ARHGAP26: variants seen among roughly 807,000 people sequenced by gnomAD.
ARHGAP26 encodes the protein rho GTPase-activating protein 26.
A neutral mutation model predicts 104.8 loss-of-function variants in ARHGAP26; 38 were observed. The ratio of observed to expected loss-of-function variants is 0.36; its 90% confidence interval spans 0.28 to 0.48. ARHGAP26 has a LOEUF of 0.48. Ranked by LOEUF, ARHGAP26 falls within the 20% of genes least tolerant of loss-of-function variation. ARHGAP26 has a pLI of 0.99. For missense variants in ARHGAP26, 704 were observed against 947.9 expected (o/e 0.74, Z 3.38); for synonymous variants, 341 against 340.0 (o/e 1.00, Z -0.03).
chr5:142,978,412 C>T (rs1331301532), intron 11 of ARHGAP26, among the ~76,000 whole-genome samples: 1 of 152,150 alleles, frequency 6.6e-6, no homozygotes, highest in South Asian at 2.1e-4. Context: ...AAATACATAG[C>T]CAGGGTTGGC....
chr5:143,171,692 C>T (rs1021841499), intron 20 of ARHGAP26, among the ~76,000 whole-genome samples: 7 of 152,186 alleles, frequency 4.6e-5, no homozygotes, highest in Admixed American at 3.9e-4. Flanking sequence ...GAGATTTCCT[C>T]CTACATTTGC....
Position 143,095,136 on chromosome 5 carries a change from T to G in ARHGAP26, c.1539-25852T>G, listed in dbSNP as rs575047800. Among the ~76,000 whole-genome samples, 17 of 150,574 alleles carry G rather than the reference T, an allele frequency of 1.1e-4. No homozygotes were observed. The South Asian group carries it at 2.5e-3, about 22-fold the overall frequency. On this transcript the variant is annotated intron_variant, in intron 17 of 22. Coordinates refer to ENST00000645722, the MANE Select transcript of ARHGAP26 (RefSeq NM_001135608.3). ...CATATATACATTCATTTTAGATATATTCATATATTCATTATATATTACTAT... is the reference window on the plus strand; with the variant it reads ...CATATATACATTCATTTTAGATATAGTCATATATTCATTATATATTACTAT...
At chr5:143,214,424 T>C in intron 22 of ARHGAP26, among the ~76,000 whole-genome samples, 1 of 152,224 alleles carries the variant, frequency 6.6e-6, no homozygotes, top group East Asian at 1.9e-4. Context: ...TTTAAAATGG[T>C]ACTCAACATG....
At chr5:143,011,694 A>G (rs1338105471) in intron 11 of ARHGAP26, among the ~76,000 whole-genome samples, 2 of 152,096 alleles carry the variant, frequency 1.3e-5, no homozygotes, top group Non-Finnish European at 1.5e-5. Flanking sequence ...GTGTGGCTCA[A>G]TTTGGAAACC....
At chr5:142,964,463 C>G (rs1409059966) in intron 11 of ARHGAP26, among the ~76,000 whole-genome samples, 1 of 151,922 alleles carries the variant, frequency 6.6e-6, no homozygotes, top group East Asian at 1.9e-4. Flanking sequence ...TAAATGGCAA[C>G]AAAACTATAT....
chr5:143,071,858 T>C (rs1210564715), intron 17 of ARHGAP26, among the ~76,000 whole-genome samples: 5 of 152,066 alleles, frequency 3.3e-5, no homozygotes, highest in Non-Finnish European at 7.4e-5. Flanking sequence ...TGAGCTGAGA[T>C]TGCTCCACTG....
At chr5:142,877,332 ATT>A (rs1345801732) in intron 3 of ARHGAP26, among the ~76,000 whole-genome samples, 1 of 152,104 alleles carries the variant, frequency 6.6e-6, no homozygotes, top group African/African-American at 2.4e-5. Context: ...TACCCTTGGT[ATT>A]TTCTTAACAT....
intron 18 of ARHGAP26, among the ~76,000 whole-genome samples, chr5:143,131,654 A>G (rs1797365697): frequency 6.6e-6 from 1 of 152,208 alleles, no homozygotes. Flanking sequence ...TGGCTGCTGC[A>G]GCCCTGGGAC....
chr5:142,802,490 A>C (rs1410540631), intron 1 of ARHGAP26, among the ~76,000 whole-genome samples: 1 of 152,188 alleles, frequency 6.6e-6, no homozygotes, highest in Non-Finnish European at 1.5e-5. Context: ...ATTTTGTTCA[A>C]CGTAGTTTTT....
At chr5:143,099,328 G>A (rs1056986114) in intron 17 of ARHGAP26, among the ~76,000 whole-genome samples, 2 of 152,180 alleles carry the variant, frequency 1.3e-5, no homozygotes, top group African/African-American at 4.8e-5. Context: ...CACAGGTAGA[G>A]GAATATAGAA....
At chr5:142,987,530 A>G (rs1000279634) in intron 11 of ARHGAP26, among the ~76,000 whole-genome samples, 1 of 142,802 alleles carries the variant, frequency 7.0e-6, no homozygotes, top group African/African-American at 2.6e-5. Flanking sequence ...TTCCAACACT[A>G]TGTTGAATAG....
chr5:142,798,664 A>G (rs1761463879), intron 1 of ARHGAP26, among the ~76,000 whole-genome samples: 1 of 152,226 alleles, frequency 6.6e-6, no homozygotes, highest in South Asian at 2.1e-4. Flanking sequence ...GAGAAGAGGA[A>G]GAGCAAAGAG....
At chr5:142,778,764 C>A (rs924048426) in intron 1 of ARHGAP26, among the ~76,000 whole-genome samples, 21 of 152,286 alleles carry the variant, frequency 1.4e-4, no homozygotes, top group Admixed American at 3.9e-4. Flanking sequence ...CCAGTTTTTA[C>A]AAGCCCTTTG....
chr5:142,879,756 G>T (rs189174774), intron 4 of ARHGAP26, among the ~76,000 whole-genome samples: 86 of 152,334 alleles, frequency 5.6e-4, no homozygotes, highest in Non-Finnish European at 1.6e-4. Flanking sequence ...ATAGATAGCT[G>T]TGTGCTTAGA....
intron 19 of ARHGAP26, among the ~76,000 whole-genome samples, chr5:143,141,694 C>A (rs1165301143): frequency 1.3e-5 from 2 of 152,196 alleles, no homozygotes; most frequent in African/African-American, 2.4e-5. Context: ...TCCCAGTCAA[C>A]TGTAAGTTAA....
At chr5:142,945,378 G>A (rs544105451) in intron 11 of ARHGAP26, among the ~76,000 whole-genome samples, 2 of 152,216 alleles carry the variant, frequency 1.3e-5, no homozygotes, top group South Asian at 2.1e-4. Flanking sequence ...CTCTCTTTTT[G>A]TTAACGCTAC....
intron 21 of ARHGAP26, among the ~76,000 whole-genome samples, chr5:143,210,333 G>A (rs1809256043): frequency 1.3e-5 from 2 of 152,022 alleles, no homozygotes; most frequent in Non-Finnish European, 2.9e-5. Context: ...AGTATTATGA[G>A]AACAGTACAG....
chr5:143,045,603 T>C (rs76738633), intron 14 of ARHGAP26, among the ~76,000 whole-genome samples: 5,697 of 152,316 alleles, frequency 0.037, 341 homozygotes, highest in African/African-American at 0.13. Context: ...ACTATTTCTT[T>C]ATTATACATT....
chr5:142,847,028 A>AT (rs1772106072), intron 1 of ARHGAP26, among the ~76,000 whole-genome samples: 1 of 151,832 alleles, frequency 6.6e-6, no homozygotes, highest in Non-Finnish European at 1.5e-5. Flanking sequence ...GAAGGGCCCC[A>AT]TGTGGGGCTG....
Sources: gnomAD v4.1 joint callset for allele counts (sites outside exome capture counted in the v4.1 genomes callset) on GRCh38, gnomAD v4.1.1 for gene constraint, MANE v1.5 for transcripts, NCBI Gene and HGNC (gene_info 2026-07-23, HGNC 2026-07-21) for gene names.